The following PBX1 variants were observed in gnomAD, a reference collection of about 807,000 sequenced individuals.
The protein encoded by PBX1 is pre-B-cell leukemia transcription factor 1.
In PBX1, 6 loss-of-function variants were observed where a neutral mutation model predicts 53.4. That is an observed-to-expected ratio of 0.11 (90% CI 0.06 to 0.22). The LOEUF (loss-of-function observed/expected upper bound fraction) is 0.22, where lower values mean the gene tolerates loss of function less well. Ranked by LOEUF, PBX1 falls within the 10% of genes least tolerant of loss-of-function variation. The pLI is 1.00. For missense variants in PBX1, 251 were observed against 551.4 expected (o/e 0.46, Z 5.46); for synonymous variants, 204 against 212.3 (o/e 0.96, Z 0.34).
intron 2 of PBX1, among the ~76,000 whole-genome samples, chr1:164,697,016 G>A (rs2800798): frequency 0.24 from 36,756 of 152,068 alleles, 4,689 homozygotes; most frequent in East Asian, 0.46. Flanking sequence ...TCATATGTCC[G>A]TCTTCTCAAT....
chr1:164,883,710 G>A (rs1672713053), intron 2 of PBX1, among the ~76,000 whole-genome samples: 1 of 152,114 alleles, frequency 6.6e-6, no homozygotes, highest in Admixed American at 6.5e-5. Flanking sequence ...TAAAATGGGA[G>A]CACCGGCACC....
chr1:164,560,395 A>G (rs746192576), intron 1 of PBX1: 2 of 394,548 alleles, frequency 5.1e-6, no homozygotes, highest in South Asian at 1.4e-4. Context: ...ACAGCATTCC[A>G]TGCCTTCTTG....
chr1:164,871,445 T>C (rs546870992), intron 2 of PBX1, among the ~76,000 whole-genome samples: 5 of 152,352 alleles, frequency 3.3e-5, no homozygotes, highest in Admixed American at 3.3e-4. Flanking sequence ...GGCAGTGTAA[T>C]GTGCATATGC....
intron 2 of PBX1, among the ~76,000 whole-genome samples, chr1:164,681,042 T>C (rs550369198): frequency 2.0e-5 from 3 of 152,214 alleles, no homozygotes; most frequent in East Asian, 1.9e-4. Flanking sequence ...GGGAAGAGTA[T>C]TGCTTGAGCC....
chr1:164,638,315 AT>A (rs1369983279), intron 2 of PBX1, among the ~76,000 whole-genome samples: 3 of 152,244 alleles, frequency 2.0e-5, no homozygotes, highest in Non-Finnish European at 4.4e-5. Context: ...GTAGGAAAAC[AT>A]TATGAACCAG....
chr1:164,752,519 A>C (rs1666289027), intron 2 of PBX1, among the ~76,000 whole-genome samples: 1 of 152,036 alleles, frequency 6.6e-6, no homozygotes. Context: ...TTGAAATATA[A>C]ATTTAAAACC....
At chr1:164,693,573 A>G (rs993861289) in intron 2 of PBX1, among the ~76,000 whole-genome samples, 1 of 152,006 alleles carries the variant, frequency 6.6e-6, no homozygotes, top group South Asian at 2.1e-4. Flanking sequence ...ACCATTTTCC[A>G]TCGGCAGGGG....
intron 2 of PBX1, among the ~76,000 whole-genome samples, chr1:164,671,721 T>G (rs954314720): frequency 1.3e-5 from 2 of 152,058 alleles, no homozygotes; most frequent in Non-Finnish European, 2.9e-5. Flanking sequence ...TGGGGGAGGT[T>G]AAGAGTAAGC....
At chr1:164,856,920 A>G (rs1671990550) in intron 2 of PBX1, among the ~76,000 whole-genome samples, 2 of 152,086 alleles carry the variant, frequency 1.3e-5, no homozygotes, top group African/African-American at 4.8e-5. Flanking sequence ...GTTGCTCACT[A>G]GATCCTAAAA....
intron 2 of PBX1, among the ~76,000 whole-genome samples, chr1:164,624,416 T>C (rs1378944354): frequency 6.6e-6 from 1 of 152,220 alleles, no homozygotes; most frequent in Non-Finnish European, 1.5e-5. Flanking sequence ...GTAAAATCAT[T>C]CAGCTGTTTG....
At chr1:164,636,314 A>G (rs1001706011) in intron 2 of PBX1, among the ~76,000 whole-genome samples, 2 of 152,076 alleles carry the variant, frequency 1.3e-5, no homozygotes, top group African/African-American at 4.8e-5. Context: ...GAACAAGGCT[A>G]TTTTCATTTC....
intron 2 of PBX1, among the ~76,000 whole-genome samples, chr1:164,645,500 CTGTT>C (rs1659399516): frequency 2.0e-5 from 3 of 150,638 alleles, no homozygotes; most frequent in Non-Finnish European, 4.4e-5. Flanking sequence ...AACTCCATGG[CTGTT>C]TGATTTTAAG....
At chr1:164,563,169 A>T in intron 1 of PBX1, 69 bp from the exon 2 acceptor site, 1 of 1,047,004 alleles carries the variant, frequency 9.6e-7, no homozygotes, top group Non-Finnish European at 1.5e-6. Context: ...AAATGTTTTC[A>T]CCCTGTGCAT....
At chr1:164,589,690 G>A (rs1780334) in intron 2 of PBX1, among the ~76,000 whole-genome samples, 59,563 of 151,958 alleles carry the variant, frequency 0.39, 12,871 homozygotes, top group East Asian at 0.53. Flanking sequence ...TTAGGGTGGA[G>A]GAGATATTAT....
intron 2 of PBX1, among the ~76,000 whole-genome samples, chr1:164,608,785 C>G (rs1398049532): frequency 6.6e-6 from 1 of 152,108 alleles, no homozygotes; most frequent in Non-Finnish European, 1.5e-5. Context: ...GAGGGGCTTT[C>G]CCATGGAATG....
chr1:164,609,022 G>A (rs890323576), intron 2 of PBX1, among the ~76,000 whole-genome samples: 1 of 152,040 alleles, frequency 6.6e-6, no homozygotes, highest in Non-Finnish European at 1.5e-5. Flanking sequence ...CTGTCTGAGG[G>A]GAAAACAGGG....
At chr1:164,835,533 T>A (rs1670994924) in intron 8 of PBX1, among the ~76,000 whole-genome samples, 1 of 152,212 alleles carries the variant, frequency 6.6e-6, no homozygotes, top group African/African-American at 2.4e-5. Flanking sequence ...ATCTCGTTTT[T>A]ATTTTAACTT....
chr1:164,830,741 C>T (rs1237947815), intron 8 of PBX1, among the ~76,000 whole-genome samples: 1 of 152,152 alleles, frequency 6.6e-6, no homozygotes, highest in African/African-American at 2.4e-5. Context: ...GTGACCTAAG[C>T]CTTTGCTGGC....
intron 2 of PBX1, among the ~76,000 whole-genome samples, chr1:164,859,940 T>C (rs1253039439): frequency 6.6e-6 from 1 of 152,156 alleles, no homozygotes; most frequent in Admixed American, 6.5e-5. Context: ...CAGGAAGAAA[T>C]AGAATTAGAC....
Sources: allele counts gnomAD v4.1 joint callset (sites outside exome capture counted in the v4.1 genomes callset), GRCh38; gene constraint gnomAD v4.1.1; transcripts MANE v1.5; gene names NCBI Gene and HGNC (gene_info 2026-07-23, HGNC 2026-07-21).